RAB2A: variants seen among roughly 807,000 people sequenced by gnomAD.
RAB2A encodes the protein RAB2A, member RAS oncogene family.
In RAB2A, 7 loss-of-function variants were observed where a neutral mutation model predicts 32.5. That is an observed-to-expected ratio of 0.22 (90% CI 0.12 to 0.40). The LOEUF (loss-of-function observed/expected upper bound fraction) is 0.40. Among genes scored for constraint, RAB2A ranks in the 10% least tolerant of loss-of-function variants. RAB2A has a pLI of 1.00. For missense variants in RAB2A, 108 were observed against 260.7 expected (o/e 0.41, Z 4.03); for synonymous variants, 79 against 85.2 (o/e 0.93, Z 0.40).
At chr8:60,525,366 G>A (rs912617774) in intron 1 of RAB2A, among the ~76,000 whole-genome samples, 2 of 152,098 alleles carry the variant, frequency 1.3e-5, no homozygotes, top group East Asian at 1.9e-4. Context: ...ATGATTATAA[G>A]TTTTCTGAGG....
At chr8:60,553,942 C>G (rs1807895850) in intron 1 of RAB2A, among the ~76,000 whole-genome samples, 1 of 152,054 alleles carries the variant, frequency 6.6e-6, no homozygotes. Context: ...GTGAAAAGTT[C>G]CTTTATAAAA....
intron 1 of RAB2A, among the ~76,000 whole-genome samples, chr8:60,544,257 C>T (rs1289500184): frequency 6.6e-6 from 1 of 151,624 alleles, no homozygotes; most frequent in Non-Finnish European, 1.5e-5. Flanking sequence ...CCAGGCTGGT[C>T]TCGAACTCCG....
chr8:60,562,608 T>C (rs1808041023), intron 2 of RAB2A, among the ~76,000 whole-genome samples: 2 of 152,198 alleles, frequency 1.3e-5, no homozygotes, highest in East Asian at 3.9e-4. Context: ...AGAGTCTCAA[T>C]ATTTAAGATG....
intron 2 of RAB2A, among the ~76,000 whole-genome samples, chr8:60,567,744 G>A (rs1314465498): frequency 6.9e-6 from 1 of 144,034 alleles, no homozygotes; most frequent in African/African-American, 2.9e-5. Context: ...TATAGATTTT[G>A]TTGTTATTGT....
chr8:60,521,262 T>C (rs1289341021), intron 1 of RAB2A, among the ~76,000 whole-genome samples: 1 of 152,182 alleles, frequency 6.6e-6, no homozygotes, highest in East Asian at 1.9e-4. Flanking sequence ...CAGCTGAAAT[T>C]AGAATGATGA....
intron 1 of RAB2A, among the ~76,000 whole-genome samples, chr8:60,556,760 A>G (rs79434204): frequency 3.5e-3 from 527 of 152,154 alleles, no homozygotes; most frequent in Non-Finnish European, 5.9e-3. Flanking sequence ...GATTAGTATT[A>G]CTAGAGTGAT....
chr8:60,569,990 G>T (rs1158663649), intron 2 of RAB2A: 1 of 456,260 alleles, frequency 2.2e-6, no homozygotes, highest in Admixed American at 2.3e-5. Flanking sequence ...AGCAGAAACT[G>T]TTAAGAGCTA....
In RAB2A at chr8:60,565,802, C is replaced by G. The variant is rs182089679; in HGVS notation, c.119-6244C>G. 2.0e-5 allele frequency among the ~76,000 whole-genome samples: 3 copies of G among 146,410 alleles called. No individual in the cohort carries two copies. In the Admixed American group the frequency reaches 2.2e-4, roughly 10 times the overall value. ...CTTGGCTCACTGCAACCTCCACATCCCAGGTTCAAGCGATTCTCCTGCCTC... is the reference window on the plus strand; with the variant it reads ...CTTGGCTCACTGCAACCTCCACATCGCAGGTTCAAGCGATTCTCCTGCCTC... On this transcript the variant is annotated intron_variant, in intron 2 of 7. Transcript: ENST00000262646.
intron 2 of RAB2A, among the ~76,000 whole-genome samples, chr8:60,564,334 T>A (rs1239559291): frequency 6.6e-6 from 1 of 152,206 alleles, no homozygotes; most frequent in Non-Finnish European, 1.5e-5. Context: ...AGCCAGGGCC[T>A]ACTGAAGGAC....
Position 60,558,988 on chromosome 8 carries a change from A to G in RAB2A, c.118+65A>G, listed in dbSNP as rs1019162058. 1.6e-5 allele frequency: 19 copies of G among 1,208,092 alleles called. No individual in the cohort carries two copies. In the Admixed American group the frequency reaches 2.5e-4, roughly 16 times the overall value. The allele number at this position is 1,208,092 out of a possible 1,614,324, so 74.8% of individuals were successfully genotyped here. A position where few individuals can be genotyped will look rare whatever the true frequency, so the allele number is the denominator to read the frequency against. On this transcript the variant is annotated intron_variant, in intron 2 of 7. Transcript: ENST00000262646. ...GGATAGTTTAAATGGAAAATGCTAG[A>G]AGGTCCATTCTACTAGTGATGATGC...
chr8:60,555,937 GC>G (rs757090791), intron 1 of RAB2A, among the ~76,000 whole-genome samples: 14 of 152,166 alleles, frequency 9.2e-5, no homozygotes, highest in Non-Finnish European at 2.1e-4. Context: ...ATTCACAGTA[GC>G]CAAGATATAG....
chr8:60,582,553 GCT>G (rs1350791441), intron 3 of RAB2A, among the ~76,000 whole-genome samples: 2 of 152,192 alleles, frequency 1.3e-5, no homozygotes, highest in East Asian at 1.9e-4. Flanking sequence ...ACAAGGTGTT[GCT>G]CTGTTAGCAA....
At chr8:60,591,447 G>T (rs1293222365) in intron 5 of RAB2A, among the ~76,000 whole-genome samples, 1 of 152,154 alleles carries the variant, frequency 6.6e-6, no homozygotes, top group East Asian at 1.9e-4. Context: ...TAGTTTCTGA[G>T]AGTTGTATTT....
chr8:60,561,970 C>G (rs993372226), intron 2 of RAB2A, among the ~76,000 whole-genome samples: 1 of 152,178 alleles, frequency 6.6e-6, no homozygotes, highest in Non-Finnish European at 1.5e-5. Flanking sequence ...GTCTGCCTCT[C>G]TTGCTTTCTC....
At chr8:60,574,586 T>A (rs927342630) in intron 3 of RAB2A, among the ~76,000 whole-genome samples, 1 of 152,264 alleles carries the variant, frequency 6.6e-6, no homozygotes, top group African/African-American at 2.4e-5. Context: ...CACTTGTTCT[T>A]CTATTCTTAA....
chr8:60,604,645 T>C (rs940755642), intron 6 of RAB2A, among the ~76,000 whole-genome samples: 5 of 152,248 alleles, frequency 3.3e-5, no homozygotes, highest in Admixed American at 6.5e-5. Context: ...CTGGCTGCGT[T>C]GTGCCCCTGC....
intron 6 of RAB2A, among the ~76,000 whole-genome samples, chr8:60,609,620 T>A (rs16926305): frequency 0.082 from 12,445 of 152,158 alleles, 1,545 homozygotes; most frequent in African/African-American, 0.27. Context: ...TAGGTAGAAT[T>A]CTGTCCTAAA....
chr8:60,542,028 C>T (rs1232067591), intron 1 of RAB2A, among the ~76,000 whole-genome samples: 2 of 152,138 alleles, frequency 1.3e-5, no homozygotes, highest in East Asian at 3.9e-4. Flanking sequence ...GAGCAGCACC[C>T]TCCCCTACCT....
At chr8:60,582,255 G>A (rs1287092167) in intron 3 of RAB2A, among the ~76,000 whole-genome samples, 1 of 152,068 alleles carries the variant, frequency 6.6e-6, no homozygotes. Context: ...TTTAACCTAA[G>A]CTATGTAAAA....
Sources: allele counts gnomAD v4.1 joint callset (sites outside exome capture counted in the v4.1 genomes callset), GRCh38; gene constraint gnomAD v4.1.1; transcripts MANE v1.5; gene names NCBI Gene and HGNC (gene_info 2026-07-23, HGNC 2026-07-21).